The following ARHGEF4 variants were observed in gnomAD, a reference collection of about 807,000 sequenced individuals.
The protein encoded by ARHGEF4 is Rho guanine nucleotide exchange factor 4.
ARHGEF4 carries 119 observed loss-of-function variants against 162.0 expected under a neutral mutation model. The observed-to-expected ratio is 0.73, with a 90% confidence interval of 0.63 to 0.86. ARHGEF4 has a LOEUF of 0.86. ARHGEF4 is among the 40% of genes least tolerant of loss of function. ARHGEF4 has a pLI of 0.00. For missense variants in ARHGEF4, 2,488 were observed against 2,456.0 expected (o/e 1.01, Z -0.28); for synonymous variants, 1,014 against 979.9 (o/e 1.03, Z -0.65).
chr2:130,923,436 G>C (rs1682017165), intron 2 of ARHGEF4, among the ~76,000 whole-genome samples: 1 of 152,132 alleles, frequency 6.6e-6, no homozygotes, highest in Non-Finnish European at 1.5e-5. Context: ...TTCTGACACA[G>C]TATCTTAATC....
At chr2:130,989,025 G>C (rs1041704960) in intron 4 of ARHGEF4, among the ~76,000 whole-genome samples, 2 of 151,578 alleles carry the variant, frequency 1.3e-5, no homozygotes, top group East Asian at 1.9e-4. Flanking sequence ...GCAATGGCAC[G>C]ATCTTGGCTC....
intron 1 of ARHGEF4, among the ~76,000 whole-genome samples, chr2:130,908,601 G>A (rs62178864): frequency 0.051 from 7,773 of 152,142 alleles, 270 homozygotes; most frequent in African/African-American, 0.088. Flanking sequence ...ACTTGAACCC[G>A]GGAGGTGGAC....
chr2:130,840,340 C>T (rs2104849256), intron 1 of ARHGEF4, among the ~76,000 whole-genome samples: 1 of 152,294 alleles, frequency 6.6e-6, no homozygotes, highest in Non-Finnish European at 1.5e-5. Flanking sequence ...ATGAGAGAAT[C>T]CACTTGATTG....
At chr2:130,846,344 C>T (rs185696030) in intron 1 of ARHGEF4, among the ~76,000 whole-genome samples, 4 of 152,338 alleles carry the variant, frequency 2.6e-5, no homozygotes, top group Admixed American at 1.3e-4. Context: ...CACCTCTTCT[C>T]GGGTGCTGGG....
chr2:131,024,249 A>T (rs1689328859), intron 4 of ARHGEF4, among the ~76,000 whole-genome samples: 1 of 152,036 alleles, frequency 6.6e-6, no homozygotes, highest in Non-Finnish European at 1.5e-5. Context: ...ACAATAAAAC[A>T]TCTTTTGTTT....
At chr2:130,922,170 GACCAGCCTGACCAACATGGAGA>G (rs1161951942) in intron 2 of ARHGEF4, among the ~76,000 whole-genome samples, 1 of 151,948 alleles carries the variant, frequency 6.6e-6, no homozygotes, top group African/African-American at 2.4e-5. Flanking sequence ...AGGGGTTCGA[GACCAGCCTGACCAACATGGAGA>G]AACCCTGTCT....
intron 4 of ARHGEF4, among the ~76,000 whole-genome samples, chr2:130,992,773 T>C (rs537303216): frequency 1.7e-4 from 26 of 152,296 alleles, no homozygotes; most frequent in African/African-American, 5.1e-4. Context: ...TAAAGTATTA[T>C]TCAAGAGTGA....
intron 4 of ARHGEF4, among the ~76,000 whole-genome samples, chr2:130,987,469 G>T (rs891435103): frequency 6.6e-6 from 1 of 152,184 alleles, no homozygotes; most frequent in Non-Finnish European, 1.5e-5. Context: ...GACCCAAGGG[G>T]GTTGCAGCTT....
chr2:130,969,831 C>T (rs1276667998), intron 4 of ARHGEF4, among the ~76,000 whole-genome samples: 2 of 152,144 alleles, frequency 1.3e-5, no homozygotes, highest in Non-Finnish European at 2.9e-5. Context: ...CCTCGCTGAT[C>T]TAGACTCCAT....
intron 5 of ARHGEF4, among the ~76,000 whole-genome samples, chr2:131,029,833 C>T (rs927459361): frequency 4.6e-5 from 7 of 152,236 alleles, no homozygotes; most frequent in Admixed American, 3.3e-4. Flanking sequence ...GGATTACAAG[C>T]GTAAGCCACC....
intron 4 of ARHGEF4, among the ~76,000 whole-genome samples, chr2:130,979,356 C>G (rs1374309120): frequency 6.6e-6 from 1 of 152,148 alleles, no homozygotes; most frequent in African/African-American, 2.4e-5. Flanking sequence ...ATATAACAAG[C>G]CTAATAATCC....
intron 4 of ARHGEF4, among the ~76,000 whole-genome samples, chr2:130,987,893 G>GT (rs1255769287): frequency 1.4e-4 from 22 of 152,188 alleles, no homozygotes; most frequent in Non-Finnish European, 1.5e-5. Flanking sequence ...TTGGAGTACT[G>GT]TAAGGGAAGC....
intron 4 of ARHGEF4, among the ~76,000 whole-genome samples, chr2:131,002,556 A>G (rs1386920862): frequency 2.0e-5 from 3 of 152,010 alleles, no homozygotes; most frequent in Non-Finnish European, 4.4e-5. Flanking sequence ...TAAAAATACA[A>G]AAAATTAGCT....
intron 4 of ARHGEF4, among the ~76,000 whole-genome samples, chr2:130,957,855 T>C (rs1222067900): frequency 1.3e-5 from 2 of 152,082 alleles, no homozygotes; most frequent in Non-Finnish European, 2.9e-5. Context: ...CACCCTGATA[T>C]CAGACGTCCA....
intron 1 of ARHGEF4, among the ~76,000 whole-genome samples, chr2:130,903,576 A>C (rs1219616825): frequency 1.3e-5 from 2 of 152,152 alleles, no homozygotes; most frequent in African/African-American, 4.8e-5. Context: ...TTTAAGATCC[A>C]AGCTGTACAT....
chr2:130,921,625 A>C (rs1681879226), intron 2 of ARHGEF4, among the ~76,000 whole-genome samples: 1 of 152,136 alleles, frequency 6.6e-6, no homozygotes. Flanking sequence ...CCATTCTGCT[A>C]GGTGTGTAGC....
chr2:130,975,292 A>G (rs1193853102), intron 4 of ARHGEF4, among the ~76,000 whole-genome samples: 2 of 152,208 alleles, frequency 1.3e-5, no homozygotes. Context: ...GGGGCCTTCC[A>G]GACCCTGGAG....
At chr2:131,043,735 T>G (rs962584179) in intron 11 of ARHGEF4, 152 bp downstream of exon 11, 3 of 798,120 alleles carry the variant, frequency 3.8e-6, no homozygotes, top group Non-Finnish European at 5.2e-6. Context: ...GGTGGCTCTC[T>G]GCAGGTGAGC....
intron 4 of ARHGEF4, among the ~76,000 whole-genome samples, chr2:130,985,411 A>C (rs912914885): frequency 6.6e-6 from 1 of 152,188 alleles, no homozygotes. Flanking sequence ...GTATTGCTAC[A>C]GAAAAAGGCT....
Sources: allele counts gnomAD v4.1 joint callset (sites outside exome capture counted in the v4.1 genomes callset), GRCh38; gene constraint gnomAD v4.1.1; transcripts MANE v1.5; gene names NCBI Gene and HGNC (gene_info 2026-07-23, HGNC 2026-07-21).